MIB1: variants seen among roughly 807,000 people sequenced by gnomAD.
MIB1 encodes MIB E3 ubiquitin protein ligase 1.
MIB1 carries 278 observed loss-of-function variants against 124.5 expected under a neutral mutation model. The ratio of observed to expected loss-of-function variants is 2.23; its 90% CI spans 2.02 to 2.47. MIB1 has a LOEUF of 2.47. Ranked by LOEUF, MIB1 falls within the 30% of genes most tolerant of loss-of-function variation. The pLI, the probability that MIB1 is intolerant of heterozygous loss-of-function variation, is 0.00. For missense variants in MIB1, 957 were observed against 1,254.4 expected (o/e 0.76, Z 3.58); for synonymous variants, 446 against 429.4 (o/e 1.04, Z -0.48).
rs1256533823 is a variant in MIB1, at chr18:21,760,779, AG to A, written c.230-4992del. ...ACAGTTTTTTTCTGTTGAATGGGGT[AG>A]TTGGGATACATTTTCCCTACGTCTT... On this transcript the variant is annotated intron_variant, in intron 1 of 20. Transcript: ENST00000261537. Among the ~76,000 whole-genome samples, 11 of 152,328 alleles carry A rather than the reference AG, an allele frequency of 7.2e-5. No homozygotes were observed. In the East Asian group the frequency reaches 1.9e-3, roughly 27 times the overall value.
At chr18:21,841,936 A>G (rs1378098861) in intron 13 of MIB1, among the ~76,000 whole-genome samples, 1 of 151,992 alleles carries the variant, frequency 6.6e-6, no homozygotes, top group Non-Finnish European at 1.5e-5. Flanking sequence ...AAAAATCCCC[A>G]TTGTGCACAT....
chr18:21,816,921 A>C (rs1309012418), intron 11 of MIB1, among the ~76,000 whole-genome samples: 1 of 151,962 alleles, frequency 6.6e-6, no homozygotes, highest in African/African-American at 2.4e-5. Flanking sequence ...AGGAGAGGTG[A>C]TTTATACCTG....
chr18:21,829,165 G>A (rs915134846), intron 12 of MIB1: 2 of 400,932 alleles, frequency 5.0e-6, no homozygotes, highest in Non-Finnish European at 9.7e-6. Context: ...GCTTACTAAT[G>A]TAGAGCAATG....
chr18:21,786,918 A>G (rs540328901), intron 6 of MIB1, among the ~76,000 whole-genome samples: 1 of 151,390 alleles, frequency 6.6e-6, no homozygotes, highest in South Asian at 2.1e-4. Flanking sequence ...GAGCTTACAT[A>G]TTGCTGCCTT....
chr18:21,749,342 T>G (rs2040947438), intron 1 of MIB1, among the ~76,000 whole-genome samples: 1 of 152,226 alleles, frequency 6.6e-6, no homozygotes, highest in Non-Finnish European at 1.5e-5. Context: ...TTTTGGTCGG[T>G]ACATAGTATT....
intron 1 of MIB1, among the ~76,000 whole-genome samples, chr18:21,710,706 C>T (rs910673732): frequency 6.6e-6 from 1 of 152,118 alleles, no homozygotes; most frequent in Non-Finnish European, 1.5e-5. Flanking sequence ...GGGATATTCA[C>T]ACCACTACAC....
At chr18:21,822,767 C>T (rs1431144427) in intron 12 of MIB1, among the ~76,000 whole-genome samples, 1 of 151,970 alleles carries the variant, frequency 6.6e-6, no homozygotes, top group African/African-American at 2.4e-5. Flanking sequence ...TTAGTGTACT[C>T]GGAATTAAAA....
intron 17 of MIB1, among the ~76,000 whole-genome samples, chr18:21,849,605 T>G (rs964238587): frequency 2.6e-5 from 4 of 152,176 alleles, no homozygotes; most frequent in Admixed American, 1.3e-4. Context: ...TTTGCTAAGT[T>G]AATTATTGTT....
chr18:21,782,366 G>A (rs1026658703), intron 6 of MIB1, among the ~76,000 whole-genome samples: 4 of 152,134 alleles, frequency 2.6e-5, no homozygotes, highest in South Asian at 2.1e-4. Context: ...CCCGTGATCC[G>A]CCCACCTTGG....
At chr18:21,748,352 TCTCC>T (rs1328342070) in intron 1 of MIB1, among the ~76,000 whole-genome samples, 12 of 138,578 alleles carry the variant, frequency 8.7e-5, no homozygotes, top group Admixed American at 2.1e-4. Context: ...TTTCTTCCTC[TCTCC>T]CTCCCTCCCT....
At chr18:21,857,273 T>G in intron 19 of MIB1, 30 bp downstream of exon 19, 1 of 1,478,418 alleles carries the variant, frequency 6.8e-7, no homozygotes, top group Middle Eastern at 1.7e-4. Flanking sequence ...CATTTTCATA[T>G]TTTGCTTTTT....
intron 1 of MIB1, among the ~76,000 whole-genome samples, chr18:21,761,386 T>C (rs561911623): frequency 7.4e-4 from 113 of 152,342 alleles, no homozygotes; most frequent in Non-Finnish European, 1.4e-3. Flanking sequence ...ATTTAATTAG[T>C]TTTTTAAAAT....
intron 1 of MIB1, among the ~76,000 whole-genome samples, chr18:21,720,179 A>G (rs1446015764): frequency 3.3e-5 from 5 of 152,234 alleles, no homozygotes; most frequent in Non-Finnish European, 7.3e-5. Flanking sequence ...GAAGAATTCC[A>G]GCTAACAAAA....
At chr18:21,758,330 T>C (rs1029737179) in intron 1 of MIB1, among the ~76,000 whole-genome samples, 1 of 152,216 alleles carries the variant, frequency 6.6e-6, no homozygotes, top group African/African-American at 2.4e-5. Context: ...AGGCAATTTC[T>C]AAACCAGTTA....
chr18:21,815,011 T>TTATATATATATATA (rs60363843), intron 10 of MIB1, among the ~76,000 whole-genome samples: 219 of 52,576 alleles, frequency 4.2e-3, no homozygotes, highest in East Asian at 4.8e-3. Context: ...GCTGTTGGTT[T>TTATATATATATATA]TATATATATA....
intron 10 of MIB1, among the ~76,000 whole-genome samples, chr18:21,814,893 AAAC>A (rs530748972): frequency 1.1e-4 from 17 of 149,122 alleles, no homozygotes; most frequent in Non-Finnish European, 2.1e-4. Context: ...GATTCTTTAA[AAAC>A]AACAACAACA....
At chr18:21,808,567 A>T (rs1221548257) in intron 10 of MIB1, among the ~76,000 whole-genome samples, 1 of 152,170 alleles carries the variant, frequency 6.6e-6, no homozygotes, top group Middle Eastern at 3.2e-3. Context: ...ATACCTTTGG[A>T]ACATGTGATA....
At chr18:21,728,108 A>G (rs1306216050) in intron 1 of MIB1, among the ~76,000 whole-genome samples, 2 of 152,210 alleles carry the variant, frequency 1.3e-5, no homozygotes, top group African/African-American at 4.8e-5. Flanking sequence ...ATTCTCTGGT[A>G]CCTTCAACTA....
chr18:21,768,165 G>A (rs1420428742), intron 2 of MIB1, among the ~76,000 whole-genome samples: 1 of 152,176 alleles, frequency 6.6e-6, no homozygotes, highest in East Asian at 1.9e-4. Flanking sequence ...AGCGATTTGA[G>A]TTTGCCATCT....
Sources: allele counts gnomAD v4.1 joint callset (sites outside exome capture counted in the v4.1 genomes callset), GRCh38; gene constraint gnomAD v4.1.1; transcripts MANE v1.5; gene names NCBI Gene and HGNC (gene_info 2026-07-23, HGNC 2026-07-21).